PID1: variants seen among roughly 807,000 people sequenced by gnomAD.
PID1 encodes phosphotyrosine interaction domain containing 1.
Under a neutral mutation model 19.1 loss-of-function variants are expected in PID1, and 10 were observed. That is an observed-to-expected ratio of 0.52 (90% CI 0.32 to 0.89). The LOEUF is 0.89. Ranked by LOEUF, PID1 falls within the 40% of genes least tolerant of loss-of-function variation. The probability of loss-of-function intolerance (pLI) is 0.03; values close to 1 mark genes in which losing one functional copy is unlikely to be tolerated. For missense variants in PID1, 248 were observed against 285.3 expected, an observed-to-expected ratio of 0.87 and a Z score of 0.94; for synonymous variants, 130 against 116.0, an observed-to-expected ratio of 1.12 and a Z score of -0.78.
Position 229,121,926 on chromosome 2 carries a change from C to A in PID1, c.177+33892G>T, listed in dbSNP as rs1182283507. Among the ~76,000 whole-genome samples the A allele has an allele frequency of 2.0e-5, 3 of 151,826 alleles. 1 individual carries two copies. The East Asian group carries it at 5.8e-4, about 29-fold the overall frequency. ...GGCTATAAAGAAAATCAAAGGAGAG[C>A]AAAGAGATTGGGAGTAATAGGGACC... On this transcript the variant is annotated intron_variant, in intron 2 of 2. Coordinates refer to ENST00000392055, the MANE Select transcript of PID1 (RefSeq NM_001100818.2).
At chr2:229,131,885 G>A (rs1559247741) in intron 2 of PID1, among the ~76,000 whole-genome samples, 1 of 152,040 alleles carries the variant, frequency 6.6e-6, no homozygotes, top group Non-Finnish European at 1.5e-5. Flanking sequence ...AAACAACAGT[G>A]ACATGAGGGT....
At chr2:229,219,126 A>G (rs969077092) in intron 1 of PID1, among the ~76,000 whole-genome samples, 19 of 152,220 alleles carry the variant, frequency 1.2e-4, no homozygotes, top group Non-Finnish European at 2.6e-4. Flanking sequence ...TACCTAGTTC[A>G]GGCCCTTTTA....
intron 2 of PID1, among the ~76,000 whole-genome samples, chr2:229,030,119 T>C (rs1371553024): frequency 6.6e-6 from 1 of 152,226 alleles, no homozygotes; most frequent in Non-Finnish European, 1.5e-5. Context: ...CATGGATGAA[T>C]TCTGATGACA....
chr2:229,062,208 T>C (rs1221136322), intron 2 of PID1, among the ~76,000 whole-genome samples: 1 of 152,036 alleles, frequency 6.6e-6, no homozygotes, highest in Non-Finnish European at 1.5e-5. Flanking sequence ...CTGTGGGGTA[T>C]GATGTTAACT....
chr2:229,130,938 C>T (rs1425156861), intron 2 of PID1, among the ~76,000 whole-genome samples: 1 of 152,218 alleles, frequency 6.6e-6, no homozygotes, highest in African/African-American at 2.4e-5. Context: ...AGCTGTGTAA[C>T]TCCAATCTTC....
rs116644606 is a variant in PID1, at chr2:229,193,744, T to C, written c.31-37780A>G. 3.5e-3 allele frequency among the ~76,000 whole-genome samples: 524 copies of C among 150,642 alleles called. 4 individuals carry two copies. The highest frequency in any genetic ancestry group is 0.012 in the African/African-American group (476 of 40,994). On this transcript the variant is annotated intron_variant, in intron 1 of 2. Coordinates refer to ENST00000392055, the MANE Select transcript of PID1 (RefSeq NM_001100818.2). ...TAATTAATAAATAATATATACTTAA[T>C]AGTATGTACTTAATAAAAATTATAT...
chr2:229,173,732 T>A (rs1053205977), intron 1 of PID1, among the ~76,000 whole-genome samples: 1 of 152,184 alleles, frequency 6.6e-6, no homozygotes, highest in Non-Finnish European at 1.5e-5. Context: ...GCTCTTCCCT[T>A]ATCCCTCAGG....
intron 2 of PID1, among the ~76,000 whole-genome samples, chr2:229,049,044 T>C (rs966176296): frequency 6.6e-6 from 1 of 152,174 alleles, no homozygotes; most frequent in Non-Finnish European, 1.5e-5. Flanking sequence ...TTCCTAGAAG[T>C]GGAGCTGTGG....
rs376319986 is a variant in PID1, at chr2:229,205,517, G to A, written c.31-49553C>T. ...GGAGGTCGTGGGCACTTTGCTCAGC[G>A]GGAGATTTAATTAAATTATTATTTT... is the stretch of plus-strand genomic sequence containing the variant. On this transcript the variant is annotated intron_variant, in intron 1 of 2. Transcript: ENST00000392055. Among the ~76,000 whole-genome samples, 28 of 151,982 alleles carry A rather than the reference G, an allele frequency of 1.8e-4. 1 individual carries two copies. Among genetic ancestry groups the A allele is most frequent in the East Asian group, 1.9e-4 (1 of 5,138 alleles).
chr2:229,192,432 T>C (rs1275500269), intron 1 of PID1, among the ~76,000 whole-genome samples: 16 of 152,338 alleles, frequency 1.1e-4, no homozygotes, highest in Non-Finnish European at 1.9e-4. Flanking sequence ...TAGACCTTTG[T>C]GATCTCTTTA....
In PID1 at chr2:229,025,429, T is replaced by G; in HGVS notation, c.*203A>C. ...ATCCACACTCCCACCCTCCTCACAG[T>G]CACAGCAGCAGCAGGTTTCAATGTA... is the stretch of plus-strand genomic sequence containing the variant. On this transcript the variant is annotated 3_prime_UTR_variant, in exon 3 of 3. Coordinates refer to ENST00000392055, the MANE Select transcript of PID1 (RefSeq NM_001100818.2). 1 of 579,208 alleles carries G rather than the reference T, an allele frequency of 1.7e-6. No homozygotes were observed. The allele number at this position is 579,208 out of a possible 1,614,324, so 35.9% of individuals were successfully genotyped here. A position where few individuals can be genotyped will look rare whatever the true frequency, so the allele number is the denominator to read the frequency against.
intron 1 of PID1, among the ~76,000 whole-genome samples, chr2:229,182,219 A>T (rs1690960751): frequency 6.6e-6 from 1 of 152,104 alleles, no homozygotes; most frequent in Admixed American, 6.5e-5. Context: ...GGTGTTAATG[A>T]TGTATCAGTG....
chr2:229,126,423 CAA>C (rs747977904), intron 2 of PID1, among the ~76,000 whole-genome samples: 1 of 141,310 alleles, frequency 7.1e-6, no homozygotes. Context: ...AATGGTCTGG[CAA>C]AAAAAAAAAC....
chr2:229,212,748 T>C (rs185185487), intron 1 of PID1, among the ~76,000 whole-genome samples: 13 of 152,100 alleles, frequency 8.5e-5, no homozygotes, highest in Admixed American at 6.6e-4. Context: ...AGTAATATTG[T>C]CCCCATTTCA....
At chr2:229,153,151 AATAG>A (rs1299340478) in intron 2 of PID1, among the ~76,000 whole-genome samples, 1 of 152,218 alleles carries the variant, frequency 6.6e-6, no homozygotes, top group Non-Finnish European at 1.5e-5. Context: ...TCAAGGTTCA[AATAG>A]ATTTTTTTAA....
At chr2:229,139,337 G>C (rs9653372) in intron 2 of PID1, among the ~76,000 whole-genome samples, 26,605 of 152,134 alleles carry the variant, frequency 0.17, 2,664 homozygotes, top group Non-Finnish European at 0.23. Flanking sequence ...TGAGTCAAAT[G>C]CTGCAGCCTA....
At chr2:229,092,506 G>A (rs982647398) in intron 2 of PID1, among the ~76,000 whole-genome samples, 6 of 152,132 alleles carry the variant, frequency 3.9e-5, no homozygotes, top group Non-Finnish European at 7.3e-5. Context: ...TCTCTCTAGT[G>A]GCACCATCAT....
At chr2:229,110,593 A>T (rs1191357805) in intron 2 of PID1, among the ~76,000 whole-genome samples, 2 of 152,198 alleles carry the variant, frequency 1.3e-5, no homozygotes, top group Non-Finnish European at 2.9e-5. Context: ...GATATCAGAG[A>T]TGGCAACAGG....
rs114838125 is a variant in PID1, at chr2:229,112,823, C to A, written c.177+42995G>T. Among the ~76,000 whole-genome samples, 842 of 152,194 alleles carry A rather than the reference C, an allele frequency of 5.5e-3. 10 individuals are homozygous for A. Among genetic ancestry groups the A allele is most frequent in the African/African-American group, 0.02 (816 of 41,522 alleles). On this transcript the variant is annotated intron_variant, in intron 2 of 2. Transcript: ENST00000392055. ...TTAAGAAAAATGAGTCACTGTCTTT[C>A]TCTGAAAACCCTACACCTGATGGGG...
Sources: gnomAD v4.1 joint callset for allele counts (sites outside exome capture counted in the v4.1 genomes callset) on GRCh38, gnomAD v4.1.1 for gene constraint, MANE v1.5 for transcripts, NCBI Gene and HGNC (gene_info 2026-07-23, HGNC 2026-07-21) for gene names.